Variants in DAB1 observed in about 807,000 individuals in gnomAD.
The protein encoded by DAB1 is disabled homolog 1.
In DAB1, 15 loss-of-function variants were observed where a neutral mutation model predicts 64.6. That is an observed-to-expected ratio of 0.23 (90% CI 0.16 to 0.36). DAB1 has a LOEUF of 0.36. DAB1 is among the 10% of genes least tolerant of loss of function. The pLI, the probability that DAB1 is intolerant of heterozygous loss-of-function variation, is 1.00. For synonymous variants in DAB1, 235 were observed against 251.9 expected, an observed-to-expected ratio of 0.93 and a Z score of 0.64; for missense variants, 596 against 706.7, an observed-to-expected ratio of 0.84 and a Z score of 1.78.
intron 6 of DAB1, among the ~76,000 whole-genome samples, chr1:57,703,292 G>T (rs1187052401): frequency 6.6e-6 from 1 of 152,022 alleles, no homozygotes; most frequent in Non-Finnish European, 1.5e-5. Flanking sequence ...CTATGCGTTC[G>T]ACAAAGGTCT....
intron 2 of DAB1, among the ~76,000 whole-genome samples, chr1:57,270,773 C>G (rs1325420097): frequency 6.6e-6 from 1 of 152,114 alleles, no homozygotes; most frequent in Non-Finnish European, 1.5e-5. Context: ...GTTGAGGGAG[C>G]CTCCCTCCAC....
chr1:57,357,470 C>G lies in DAB1; in HGVS notation c.-136-66304G>C, dbSNP rs570621071. 2.2e-3 allele frequency among the ~76,000 whole-genome samples: 317 copies of G among 144,290 alleles called. 3 individuals carry two copies. The highest frequency in any genetic ancestry group is 4.8e-4 in the Non-Finnish European group (32 of 66,052). 94.7% of individuals were successfully genotyped at this position (144,290 alleles called of 152,430 possible). On this transcript the variant is annotated intron_variant, in intron 1 of 14. Coordinates refer to ENST00000371236, the MANE Select transcript of DAB1 (RefSeq NM_001365792.1). The stretch of plus-strand genomic sequence containing the variant: ...AAAATATAAGTGGTTTCTTCAATTT[C>G]TTTTATCACTGATTTATGGTTTTCA...
chr1:58,514,196 G>T (rs1418554556), intron 2 of DAB1, among the ~76,000 whole-genome samples: 2 of 152,032 alleles, frequency 1.3e-5, no homozygotes, highest in Non-Finnish European at 2.9e-5. Flanking sequence ...ACAATCCAGA[G>T]AATATAAATG....
At chr1:57,788,674 C>A (rs1650449349) in intron 6 of DAB1, among the ~76,000 whole-genome samples, 1 of 152,152 alleles carries the variant, frequency 6.6e-6, no homozygotes, top group African/African-American at 2.4e-5. Context: ...TGGACGCCAG[C>A]TCTGTTACTT....
At chr1:58,440,812 C>T (rs1295280765) in intron 3 of DAB1, among the ~76,000 whole-genome samples, 2 of 152,096 alleles carry the variant, frequency 1.3e-5, no homozygotes, top group Non-Finnish European at 2.9e-5. Flanking sequence ...GACTAACCAA[C>T]CAGAGACAGA....
At chr1:57,525,360 T>C (rs558859745) in intron 7 of DAB1, among the ~76,000 whole-genome samples, 1 of 152,092 alleles carries the variant, frequency 6.6e-6, no homozygotes, top group South Asian at 2.1e-4. Context: ...TGTGAGGTAA[T>C]TGGAAGAATT....
chr1:58,107,805 C>T (rs1338028137), intron 5 of DAB1, among the ~76,000 whole-genome samples: 3 of 151,730 alleles, frequency 2.0e-5, no homozygotes, highest in East Asian at 2.0e-4. Context: ...TTAGTACAGC[C>T]GGGGTTTCTC....
At chr1:58,341,043 T>C (rs1325536575) in intron 4 of DAB1, among the ~76,000 whole-genome samples, 1 of 152,196 alleles carries the variant, frequency 6.6e-6, no homozygotes, top group Non-Finnish European at 1.5e-5. Context: ...CCATACATTC[T>C]GGGCTCCCTG....
intron 3 of DAB1, among the ~76,000 whole-genome samples, chr1:58,500,814 A>G (rs1457647505): frequency 1.3e-5 from 2 of 152,238 alleles, no homozygotes; most frequent in African/African-American, 4.8e-5. Flanking sequence ...AGAATAAGAA[A>G]TTCAGTCTAA....
In DAB1 at chr1:58,525,286, A is replaced by C. The variant is rs550475643; in HGVS notation, n.107+1975T>G. On this transcript the variant is annotated intron_variant and non_coding_transcript_variant, in intron 2 of 20. Coordinates refer to the DAB1 transcript ENST00000485760. The stretch of plus-strand genomic sequence containing the variant: ...TTCAAATTGTTGCACATTTCCAAAA[A>C]ACCTTCCAATATATTTATTGAAAAA... 5.3e-5 allele frequency among the ~76,000 whole-genome samples: 8 copies of C among 152,236 alleles called. No individual in the cohort carries two copies. The South Asian group carries it at 1.7e-3, about 32-fold the overall frequency.
At chr1:57,125,280 T>G (rs1035861425) in intron 4 of DAB1, among the ~76,000 whole-genome samples, 1 of 152,202 alleles carries the variant, frequency 6.6e-6, no homozygotes, top group Non-Finnish European at 1.5e-5. Context: ...CTCCCTCCTC[T>G]GGCAGGGCAC....
intron 4 of DAB1, among the ~76,000 whole-genome samples, chr1:58,290,066 G>C (rs1030701131): frequency 1.3e-5 from 2 of 152,186 alleles, no homozygotes; most frequent in Non-Finnish European, 1.5e-5. Flanking sequence ...ATTGAGCACT[G>C]ACTTGGCGAC....
At chr1:58,082,082 C>A (rs901461557) in intron 5 of DAB1, among the ~76,000 whole-genome samples, 3 of 152,188 alleles carry the variant, frequency 2.0e-5, no homozygotes, top group African/African-American at 7.2e-5. Context: ...AGAGAAGGAC[C>A]ATGACTTGCC....
chr1:57,716,293 T>C (rs1647083244), intron 6 of DAB1, among the ~76,000 whole-genome samples: 1 of 152,184 alleles, frequency 6.6e-6, no homozygotes, highest in African/African-American at 2.4e-5. Flanking sequence ...CAAAGCAATC[T>C]TGAGGAAAAA....
At chr1:58,197,408 T>TG (rs1657742590) in intron 4 of DAB1, among the ~76,000 whole-genome samples, 3 of 151,174 alleles carry the variant, frequency 2.0e-5, no homozygotes, top group African/African-American at 2.4e-5. Context: ...AGTTACACTT[T>TG]TTTTTTTTTT....
intron 6 of DAB1, among the ~76,000 whole-genome samples, chr1:57,808,197 GCACACA>G (rs3081057): frequency 6.7e-5 from 10 of 148,272 alleles, no homozygotes; most frequent in Admixed American, 2.0e-4. Context: ...ACATGCACAT[GCACACA>G]CACACACACA....
At chr1:57,500,197 C>T (rs1382616765) in intron 7 of DAB1, among the ~76,000 whole-genome samples, 3 of 152,182 alleles carry the variant, frequency 2.0e-5, no homozygotes, top group East Asian at 1.9e-4. Flanking sequence ...GATGCTATAT[C>T]TCCCCCTTTC....
At chr1:57,864,197 G>T (rs572888649) in intron 1 of DAB1, among the ~76,000 whole-genome samples, 2 of 152,304 alleles carry the variant, frequency 1.3e-5, no homozygotes, top group Admixed American at 1.3e-4. Flanking sequence ...TCATGTGGAT[G>T]TTGGGGAAGA....
At chr1:57,870,387 G>A (rs758536528) in intron 1 of DAB1, among the ~76,000 whole-genome samples, 1 of 152,076 alleles carries the variant, frequency 6.6e-6, no homozygotes, top group Non-Finnish European at 1.5e-5. Flanking sequence ...CTAAGAAGCC[G>A]TTTTATTGGA....
Sources: gnomAD v4.1 joint callset for allele counts (sites outside exome capture counted in the v4.1 genomes callset) on GRCh38, gnomAD v4.1.1 for gene constraint, MANE v1.5 for transcripts, NCBI Gene and HGNC (gene_info 2026-07-23, HGNC 2026-07-21) for gene names.